STOX1: variants seen among roughly 807,000 people sequenced by gnomAD.
The protein encoded by STOX1 is storkhead-box protein 1.
A neutral mutation model predicts 74.8 loss-of-function variants in STOX1; 57 were observed. That is an observed-to-expected ratio of 0.76 (90% CI 0.62 to 0.95). The LOEUF is 0.95. Among genes scored for constraint, STOX1 ranks in the 40% least tolerant of loss-of-function variants. The pLI, the probability that STOX1 is intolerant of heterozygous loss-of-function variation, is 0.00. For synonymous variants in STOX1, 375 were observed against 401.3 expected, an observed-to-expected ratio of 0.93 and a Z score of 0.78; for missense variants, 1,010 against 1,117.0, an observed-to-expected ratio of 0.90 and a Z score of 1.37.
At position 68,885,593 on chromosome 10, in the gene STOX1, C is replaced by A. The variant is rs200446359; in HGVS notation, c.1797C>A (p.Pro599=). The stretch of plus-strand genomic sequence containing the variant: ...TGCAAAATGATGGTAAATGCTGTCC[C>A]TTTATGGAAAGCATGTTGAGATATG... ...SMLQNDGKCC[P]FMESMLRYEV... is the part of the protein sequence containing the mutation. The change falls in exon 3 of 4, where the codon CCC becomes CCA. Residue 599 remains proline, a synonymous_variant. Transcript: ENST00000298596. 4 of 1,614,010 alleles carry A rather than the reference C, an allele frequency of 2.5e-6. No homozygotes were observed. The highest frequency in any genetic ancestry group is 3.4e-6 in the Non-Finnish European group (4 of 1,180,030).
At chr10:68,873,662 TTTTC>T (rs1199770719) in intron 1 of STOX1, among the ~76,000 whole-genome samples, 1 of 139,564 alleles carries the variant, frequency 7.2e-6, no homozygotes, top group African/African-American at 2.7e-5. Context: ...TTTTTTTTTT[TTTTC>T]TTTTTTTTGA....
intron 1 of STOX1, among the ~76,000 whole-genome samples, chr10:68,835,509 G>C (rs1839525083): frequency 6.6e-6 from 1 of 152,090 alleles, no homozygotes; most frequent in Non-Finnish European, 1.5e-5. Flanking sequence ...ATTTTTTGTA[G>C]AGATGGAGTC....
chr10:68,833,118 C>T (rs999786110), intron 1 of STOX1, among the ~76,000 whole-genome samples: 5 of 137,470 alleles, frequency 3.6e-5, no homozygotes, highest in African/African-American at 1.4e-4. Flanking sequence ...CAGAGTCTCA[C>T]TCTGTCGCCC....
intron 1 of STOX1, among the ~76,000 whole-genome samples, chr10:68,842,536 C>CTTTTTTTTTTTTTTTTTTTTTTTTTTT: frequency 1.4e-5 from 1 of 71,970 alleles, no homozygotes; most frequent in Non-Finnish European, 2.6e-5. Flanking sequence ...TGTACCATTT[C>CTTTTTTTTTTTTTTTTTTTTTTTTTTT]TTTTTTTTTT....
chr10:68,891,542 G>A (rs1841097274), intron 3 of STOX1, among the ~76,000 whole-genome samples: 1 of 152,128 alleles, frequency 6.6e-6, no homozygotes. Context: ...AGTGGCTCAC[G>A]CCTGTAATCC....
Position 68,886,635 on chromosome 10 carries a change from G to C in STOX1, c.2822+17G>C. On this transcript the variant is annotated intron_variant, in intron 3 of 3. Coordinates refer to ENST00000298596, the MANE Select transcript of STOX1 (RefSeq NM_152709.5). ...TTCTCCACGGTAGGTCCATACAAAA[G>C]TGTCTGATTTAGGCCGGGCGCAGTG... 6.2e-7 allele frequency: 1 copy of C among 1,612,834 alleles called. No homozygotes were observed. The highest frequency in any genetic ancestry group is 8.5e-7 in the Non-Finnish European group (1 of 1,179,524).
At chr10:68,866,945 GTTT>G (rs71474450) in intron 1 of STOX1, among the ~76,000 whole-genome samples, 1 of 124,974 alleles carries the variant, frequency 8.0e-6, no homozygotes. Context: ...TGCTTTCCTT[GTTT>G]TTTTTTTTTT....
intron 1 of STOX1, among the ~76,000 whole-genome samples, chr10:68,844,857 C>T (rs1839795600): frequency 2.6e-5 from 4 of 151,000 alleles, no homozygotes; most frequent in African/African-American, 9.7e-5. Flanking sequence ...CCACCTCCCA[C>T]TTTCAATTGA....
intron 1 of STOX1, among the ~76,000 whole-genome samples, chr10:68,873,858 T>G (rs1198480651): frequency 2.0e-5 from 3 of 146,868 alleles, no homozygotes; most frequent in African/African-American, 5.0e-5. Flanking sequence ...ACCATGTTGG[T>G]CAGGCTGGTC....
At chr10:68,846,420 G>T (rs1234224393) in intron 1 of STOX1, among the ~76,000 whole-genome samples, 1 of 152,120 alleles carries the variant, frequency 6.6e-6, no homozygotes, top group African/African-American at 2.4e-5. Context: ...AAAGTCCTGG[G>T]ATTACAGGCA....
intron 3 of STOX1, among the ~76,000 whole-genome samples, chr10:68,887,279 A>G (rs1285330696): frequency 1.3e-5 from 2 of 152,240 alleles, no homozygotes; most frequent in East Asian, 3.9e-4. Context: ...TGTGGCTACT[A>G]TCCACTAATA....
intron 3 of STOX1, among the ~76,000 whole-genome samples, chr10:68,891,726 C>T (rs919546577): frequency 2.6e-5 from 4 of 151,374 alleles, no homozygotes; most frequent in South Asian, 2.1e-4. Context: ...CACTTGAACC[C>T]GGAAGGCGGA....
At chr10:68,874,474 A>G (rs1347933541) in intron 1 of STOX1, among the ~76,000 whole-genome samples, 1 of 152,170 alleles carries the variant, frequency 6.6e-6, no homozygotes, top group African/African-American at 2.4e-5. Flanking sequence ...AGCCCCTTCA[A>G]GATATCCTGC....
At chr10:68,852,659 C>T (rs1840018202) in intron 1 of STOX1, among the ~76,000 whole-genome samples, 1 of 151,658 alleles carries the variant, frequency 6.6e-6, no homozygotes, top group Admixed American at 6.6e-5. Flanking sequence ...TCATAGCTCA[C>T]TGCAGCCTCA....
At chr10:68,878,017 T>C (rs1388546423) in intron 1 of STOX1, among the ~76,000 whole-genome samples, 1 of 151,978 alleles carries the variant, frequency 6.6e-6, no homozygotes, top group African/African-American at 2.4e-5. Flanking sequence ...AGAAACAAGA[T>C]AGGAGGATAG....
In STOX1 at chr10:68,886,030, A is replaced by G; in HGVS notation, c.2234A>G (p.Asn745Ser). The change falls in exon 3 of 4, where the codon AAT (asparagine) becomes AGT (serine). Residue 745 changes from asparagine to serine, a missense_variant. Coordinates refer to ENST00000298596, the MANE Select transcript of STOX1 (RefSeq NM_152709.5). ...LYLEEDDISE[N>S]DDLRQMLPGH... ...CTAGAGGAGGATGACATTTCTGAGA[A>G]TGACGACTTACGTCAAATGCTGCCT... The G allele has an allele frequency of 6.2e-7, 1 of 1,614,250 alleles. No individual in the cohort carries two copies. Among genetic ancestry groups the G allele is most frequent in the Non-Finnish European group, 8.5e-7 (1 of 1,180,044 alleles).
At chr10:68,830,822 T>C (rs1281759358) in intron 1 of STOX1, among the ~76,000 whole-genome samples, 1 of 152,116 alleles carries the variant, frequency 6.6e-6, no homozygotes, top group Non-Finnish European at 1.5e-5. Flanking sequence ...TGATGCTGAG[T>C]GATGGATACA....
At chr10:68,852,901 C>T (rs996261999) in intron 1 of STOX1, among the ~76,000 whole-genome samples, 1 of 151,710 alleles carries the variant, frequency 6.6e-6, no homozygotes, top group Non-Finnish European at 1.5e-5. Flanking sequence ...ATATTTCTTA[C>T]TACCTGTGTG....
chr10:68,865,159 G>A (rs1221403052), intron 1 of STOX1, among the ~76,000 whole-genome samples: 2 of 152,210 alleles, frequency 1.3e-5, no homozygotes, highest in African/African-American at 4.8e-5. Context: ...TCTTTTACGA[G>A]TAGGTTCAAT....
Sources: gnomAD v4.1 joint callset for allele counts (sites outside exome capture counted in the v4.1 genomes callset) on GRCh38, gnomAD v4.1.1 for gene constraint, MANE v1.5 for transcripts, NCBI Gene and HGNC (gene_info 2026-07-23, HGNC 2026-07-21) for gene names.